The following CAMKMT variants were observed in gnomAD, a reference collection of about 807,000 sequenced individuals.
The protein encoded by CAMKMT is calmodulin-lysine N-methyltransferase.
A neutral mutation model predicts 48.0 loss-of-function variants in CAMKMT; 53 were observed. That is an observed-to-expected ratio of 1.10 (90% CI 0.89 to 1.39). CAMKMT has a LOEUF of 1.39. Among genes scored for constraint, CAMKMT ranks in the 40% most tolerant of loss-of-function variants. CAMKMT has a pLI of 0.00. For synonymous variants in CAMKMT, 165 were observed against 152.3 expected (o/e 1.08, Z -0.61); for missense variants, 428 against 402.7 (o/e 1.06, Z -0.54).
In CAMKMT at chr2:44,390,234, T is replaced by C; in HGVS notation, c.312-7T>C. 6.2e-7 allele frequency: 1 copy of C among 1,601,752 alleles called. No homozygotes were observed. The highest frequency in any genetic ancestry group is 8.5e-7 in the Non-Finnish European group (1 of 1,175,424). ...ATCATTAAAGCAAACGCTTTACTCC[T>C]TTCTAGGCATAATAGTGGATCCTTG... On this transcript the variant is annotated splice_region_variant and splice_polypyrimidine_tract_variant and intron_variant, in intron 2 of 10. Coordinates refer to ENST00000378494, the MANE Select transcript of CAMKMT (RefSeq NM_024766.5).
intron 3 of CAMKMT, among the ~76,000 whole-genome samples, chr2:44,397,726 G>A (rs1198326332): frequency 2.0e-5 from 3 of 152,188 alleles, no homozygotes; most frequent in African/African-American, 7.2e-5. Flanking sequence ...ACCAAAGAAG[G>A]AAAAAGAAGT....
chr2:44,767,682 G>A (rs1442872387), intron 10 of CAMKMT, among the ~76,000 whole-genome samples: 2 of 152,112 alleles, frequency 1.3e-5, no homozygotes, highest in Non-Finnish European at 2.9e-5. Flanking sequence ...AGGATGGTAT[G>A]TGATTCAGAT....
intron 3 of CAMKMT, among the ~76,000 whole-genome samples, chr2:44,462,193 A>G (rs1302344017): frequency 1.3e-5 from 2 of 152,200 alleles, no homozygotes; most frequent in Non-Finnish European, 2.9e-5. Context: ...AGGACAACTC[A>G]TGTAGAAAAT....
At chr2:44,554,868 G>A (rs920741592) in intron 3 of CAMKMT, among the ~76,000 whole-genome samples, 2 of 152,148 alleles carry the variant, frequency 1.3e-5, no homozygotes, top group South Asian at 4.1e-4. Flanking sequence ...GAGTGAGACT[G>A]TCCTCAAAAT....
intron 3 of CAMKMT, among the ~76,000 whole-genome samples, chr2:44,599,288 A>C (rs1670845324): frequency 6.6e-6 from 1 of 152,068 alleles, no homozygotes; most frequent in Non-Finnish European, 1.5e-5. Flanking sequence ...AATACCTGGC[A>C]GCTTTCAAAA....
intron 7 of CAMKMT, among the ~76,000 whole-genome samples, chr2:44,739,174 A>T (rs778657212): frequency 6.6e-6 from 1 of 152,150 alleles, no homozygotes; most frequent in Non-Finnish European, 1.5e-5. Flanking sequence ...TAAAAGAATC[A>T]CTCTGGCTGC....
intron 6 of CAMKMT, among the ~76,000 whole-genome samples, chr2:44,708,642 A>G (rs1677698937): frequency 6.6e-6 from 1 of 152,052 alleles, no homozygotes; most frequent in African/African-American, 2.4e-5. Context: ...GACTGTCTCA[A>G]GTTTTTCAAA....
At chr2:44,422,953 G>T (rs576513768) in intron 3 of CAMKMT, among the ~76,000 whole-genome samples, 2 of 152,084 alleles carry the variant, frequency 1.3e-5, no homozygotes, top group South Asian at 4.1e-4. Flanking sequence ...AACGTGGTAT[G>T]GTATACCAAA....
chr2:44,543,023 G>A (rs988286408), intron 3 of CAMKMT, among the ~76,000 whole-genome samples: 2 of 152,154 alleles, frequency 1.3e-5, no homozygotes, highest in Non-Finnish European at 2.9e-5. Flanking sequence ...GTATCATATA[G>A]CTTCTTAGAT....
chr2:44,484,198 T>A (rs1669155749), intron 3 of CAMKMT, among the ~76,000 whole-genome samples: 2 of 148,522 alleles, frequency 1.3e-5, no homozygotes, highest in Admixed American at 6.7e-5. Flanking sequence ...GCCAATGGGT[T>A]TTTTTTTTTT....
At chr2:44,599,265 A>G (rs1670843596) in intron 3 of CAMKMT, among the ~76,000 whole-genome samples, 1 of 152,090 alleles carries the variant, frequency 6.6e-6, no homozygotes, top group Non-Finnish European at 1.5e-5. Flanking sequence ...ATAAATAGAA[A>G]GTGACACTTC....
chr2:44,641,228 A>G (rs887333647), intron 3 of CAMKMT, among the ~76,000 whole-genome samples: 1 of 152,104 alleles, frequency 6.6e-6, no homozygotes, highest in African/African-American at 2.4e-5. Flanking sequence ...TTGTTTCTCT[A>G]TCATGATTTC....
intron 10 of CAMKMT, among the ~76,000 whole-genome samples, chr2:44,769,960 T>C (rs944844011): frequency 2.0e-5 from 3 of 152,228 alleles, no homozygotes; most frequent in Non-Finnish European, 2.9e-5. Flanking sequence ...AAGTAAAGCA[T>C]AATGCTACTA....
intron 3 of CAMKMT, among the ~76,000 whole-genome samples, chr2:44,570,308 A>G (rs1668838278): frequency 6.6e-6 from 1 of 152,198 alleles, no homozygotes; most frequent in Non-Finnish European, 1.5e-5. Context: ...CCAAACGGAG[A>G]CATACAAAGC....
intron 3 of CAMKMT, among the ~76,000 whole-genome samples, chr2:44,435,219 A>C (rs1386560618): frequency 6.6e-6 from 1 of 152,204 alleles, no homozygotes; most frequent in Non-Finnish European, 1.5e-5. Flanking sequence ...TATGTAAATT[A>C]GGTATTCTCA....
intron 3 of CAMKMT, among the ~76,000 whole-genome samples, chr2:44,396,251 T>C (rs1357978828): frequency 1.3e-5 from 2 of 151,112 alleles, no homozygotes; most frequent in African/African-American, 4.9e-5. Context: ...TAAAGGTTAA[T>C]AGATTGACTA....
intron 3 of CAMKMT, among the ~76,000 whole-genome samples, chr2:44,680,618 A>G (rs889875078): frequency 6.6e-6 from 1 of 152,194 alleles, no homozygotes; most frequent in Admixed American, 6.5e-5. Flanking sequence ...CATGCTGTTC[A>G]TATCACAACC....
intron 3 of CAMKMT, among the ~76,000 whole-genome samples, chr2:44,601,510 T>C (rs921956857): frequency 6.6e-6 from 1 of 151,822 alleles, no homozygotes; most frequent in Non-Finnish European, 1.5e-5. Flanking sequence ...TTTTAAAAAA[T>C]CATAAAATTG....
At chr2:44,486,974 A>G (rs1462043026) in intron 3 of CAMKMT, among the ~76,000 whole-genome samples, 1 of 152,218 alleles carries the variant, frequency 6.6e-6, no homozygotes, top group Non-Finnish European at 1.5e-5. Context: ...TATGTGTTTC[A>G]CTATTTTATA....
Sources: allele counts gnomAD v4.1 joint callset (sites outside exome capture counted in the v4.1 genomes callset), GRCh38; gene constraint gnomAD v4.1.1; transcripts MANE v1.5; gene names NCBI Gene and HGNC (gene_info 2026-07-23, HGNC 2026-07-21).